NRROS: variants seen among roughly 807,000 people sequenced by gnomAD.
The protein encoded by NRROS is transforming growth factor beta activator LRRC33.
A neutral mutation model predicts 12.0 loss-of-function variants in NRROS; 6 were observed. The ratio of observed to expected loss-of-function variants is 0.50; its 90% CI spans 0.27 to 0.98. NRROS has a LOEUF of 0.98. Among genes scored for constraint, NRROS ranks in the 50% least tolerant of loss-of-function variants. The pLI is 0.11. For synonymous variants in NRROS, 462 were observed against 410.2 expected, an observed-to-expected ratio of 1.13 and a Z score of -1.53; for missense variants, 857 against 888.2, an observed-to-expected ratio of 0.96 and a Z score of 0.45.
At chr3:196,655,342 C>T (rs1560054692) in intron 2 of NRROS, among the ~76,000 whole-genome samples, 1 of 151,882 alleles carries the variant, frequency 6.6e-6, no homozygotes, top group Non-Finnish European at 1.5e-5. Flanking sequence ...CGAGACTAGC[C>T]TGGCCAACAT....
At chr3:196,652,241 C>G (rs1194502811) in intron 1 of NRROS, among the ~76,000 whole-genome samples, 1 of 152,148 alleles carries the variant, frequency 6.6e-6, no homozygotes, top group African/African-American at 2.4e-5. Flanking sequence ...TTATTTTAGA[C>G]TTTGTGTAGC....
At position 196,660,106 on chromosome 3, in the gene NRROS, A is replaced by G; in HGVS notation, c.463A>G (p.Asn155Asp). 6.2e-7 allele frequency: 1 copy of G among 1,613,110 alleles called. No individual in the cohort carries two copies. The highest frequency in any genetic ancestry group is 8.5e-7 in the Non-Finnish European group (1 of 1,179,944). Reference sequence around the variant, plus strand: ...GGACATGGCAGCCCTCATGCTCCAGAACCTCTCCTCGCTGCGGTCCGTGTC... The same window carrying G: ...GGACATGGCAGCCCTCATGCTCCAGGACCTCTCCTCGCTGCGGTCCGTGTC... Reference protein sequence around the residue: ...TEDMAALMLQNLSSLRSVSLA... With the variant: ...TEDMAALMLQDLSSLRSVSLA... The change falls in exon 3 of 3, where the codon AAC becomes GAC. Residue 155 changes from asparagine to aspartate, a missense_variant. Physicochemically the swap from Asn to Asp is conservative, Grantham distance 23. Coordinates refer to ENST00000328557, the MANE Select transcript of NRROS (RefSeq NM_198565.3). The surrounding 1 kb of genome is among the most constrained non-coding windows in gnomAD (Gnocchi z 7.7).
At position 196,660,875 on chromosome 3, in the gene NRROS, C is replaced by G. The variant is rs1465949639; in HGVS notation, c.1232C>G (p.Ser411Cys). The change falls in exon 3 of 3, where the codon TCC becomes TGC. Residue 411 changes from serine to cysteine, a missense_variant. Coordinates refer to ENST00000328557, the MANE Select transcript of NRROS (RefSeq NM_198565.3). This position sits in a 1 kb window ranked among gnomAD's most constrained non-coding sequence, Gnocchi z 7.7. The part of the protein sequence containing the change: ...LGSLRLFNLS[S>C]NQLLGVPPGL... The stretch of plus-strand genomic sequence containing the variant: ...AGCCTGCGCTTGTTCAACCTGAGCT[C>G]CAACCAGCTCCTGGGCGTCCCCCCT... The G allele has an allele frequency of 6.2e-7, 1 of 1,614,028 alleles. No homozygotes were observed. Among genetic ancestry groups the G allele is most frequent in the Non-Finnish European group, 8.5e-7 (1 of 1,180,044 alleles).
chr3:196,648,340 G>C (rs1181798573), intron 1 of NRROS, among the ~76,000 whole-genome samples: 1 of 152,098 alleles, frequency 6.6e-6, no homozygotes, highest in Admixed American at 6.6e-5. Flanking sequence ...CAATAGAGGC[G>C]ATGTCTTACA....
intron 2 of NRROS, chr3:196,655,097 C>T (rs12489417): frequency 7.7e-5 from 13 of 169,248 alleles, no homozygotes; most frequent in Admixed American, 1.7e-4. Context: ...CAGTCAGGTG[C>T]GGTGGCACAC....
intron 1 of NRROS, among the ~76,000 whole-genome samples, chr3:196,640,672 C>A (rs902569495): frequency 6.6e-6 from 1 of 152,166 alleles, no homozygotes; most frequent in Non-Finnish European, 1.5e-5. Context: ...CCCCACGTAC[C>A]CAGGAGCTAG....
chr3:196,643,276 A>G (rs1399558988), intron 1 of NRROS, among the ~76,000 whole-genome samples: 1 of 152,172 alleles, frequency 6.6e-6, no homozygotes, highest in Non-Finnish European at 1.5e-5. Flanking sequence ...GCTGACCCCA[A>G]GCCAATGTGT....
In NRROS at chr3:196,654,331, T is replaced by C. The variant is rs574362194; in HGVS notation, c.-13-196T>C. ...TAGAGGCAAAATGAAATTGAGTTCT[T>C]GTCAACAGTTTCAGTGAAAGGCCGG... is the stretch of plus-strand genomic sequence containing the variant. On this transcript the variant is annotated intron_variant, in intron 1 of 2. Transcript: ENST00000328557. This position sits in a 1 kb window ranked among gnomAD's most constrained non-coding sequence, Gnocchi z 4.4. 1.3e-5 allele frequency among the ~76,000 whole-genome samples: 2 copies of C among 152,328 alleles called. No homozygotes were observed. The highest frequency in any genetic ancestry group is 3.9e-4 in the East Asian group (2 of 5,182).
rs139697079 is a variant in NRROS at position 196,645,241 on chromosome 3, G to A, written c.-14+5366G>A. ...CTGCAGGATGAGTAAGAGCTTTGCA[G>A]GTGAACAAGACCAGCAAAAGAGCCT... is the stretch of plus-strand genomic sequence containing the variant. On this transcript the variant is annotated intron_variant, in intron 1 of 2. Transcript: ENST00000328557. 2.4e-3 allele frequency among the ~76,000 whole-genome samples: 360 copies of A among 152,308 alleles called. 1 individual carries two copies. The highest frequency in any genetic ancestry group is 8.4e-3 in the African/African-American group (351 of 41,568).
chr3:196,654,402 C>T lies in NRROS; in HGVS notation c.-13-125C>T, dbSNP rs551901794. On this transcript the variant is annotated intron_variant, in intron 1 of 2. Coordinates refer to ENST00000328557, the MANE Select transcript of NRROS (RefSeq NM_198565.3). This position sits in a 1 kb window ranked among gnomAD's most constrained non-coding sequence, Gnocchi z 4.4. ...TATCTGAGTATCCTGTGGGCTGCAC[C>T]TCTATGGAGCTCCACAGAGCTCCAA... The T allele has an allele frequency of 2.9e-6, 2 of 698,218 alleles. No homozygotes were observed. The highest frequency in any genetic ancestry group is 1.8e-5 in the African/African-American group (1 of 56,748). The allele number at this position is 698,218 out of a possible 1,614,324, so 43.3% of individuals were successfully genotyped here.
Position 196,648,003 on chromosome 3 carries a change from G to A in NRROS, c.-13-6524G>A, listed in dbSNP as rs534224927. 3.9e-5 allele frequency among the ~76,000 whole-genome samples: 6 copies of A among 152,302 alleles called. 1 individual carries two copies. The highest frequency in any genetic ancestry group is 3.9e-4 in the Admixed American group (6 of 15,302). On this transcript the variant is annotated intron_variant, in intron 1 of 2. Transcript: ENST00000328557. The stretch of plus-strand genomic sequence containing the variant: ...AGGTGTGAGCCACTGTGCCCAGCCT[G>A]TATTTCCATTTTTAACATAACAAAT...
intron 1 of NRROS, among the ~76,000 whole-genome samples, chr3:196,650,581 G>A (rs76765979): frequency 1.3e-5 from 2 of 152,178 alleles, no homozygotes; most frequent in Admixed American, 6.5e-5. Context: ...GCACCTGTTC[G>A]CAACAAACAT....
At chr3:196,649,765 C>A (rs1009408079) in intron 1 of NRROS, among the ~76,000 whole-genome samples, 7 of 152,182 alleles carry the variant, frequency 4.6e-5, no homozygotes, top group African/African-American at 1.7e-4. Context: ...CCACTGCGCC[C>A]GGCCAAAATA....
At chr3:196,645,010 T>C (rs983300012) in intron 1 of NRROS, among the ~76,000 whole-genome samples, 1 of 151,964 alleles carries the variant, frequency 6.6e-6, no homozygotes, top group African/African-American at 2.4e-5. Context: ...GATGGATAGA[T>C]GTATGTTGTT....
chr3:196,655,395 C>T (rs1342693454), intron 2 of NRROS, among the ~76,000 whole-genome samples: 6 of 151,100 alleles, frequency 4.0e-5, no homozygotes, highest in Admixed American at 1.3e-4. Context: ...ATTAGCTGGG[C>T]GTGGTGGTGC....
intron 2 of NRROS, among the ~76,000 whole-genome samples, chr3:196,655,457 C>T (rs779477252): frequency 6.6e-5 from 10 of 151,990 alleles, no homozygotes; most frequent in Non-Finnish European, 1.5e-4. Context: ...ATCGCTTGAA[C>T]CCGGGAGACG....
At chr3:196,653,660 G>A (rs538105940) in intron 1 of NRROS, among the ~76,000 whole-genome samples, 36 of 152,340 alleles carry the variant, frequency 2.4e-4, no homozygotes, top group East Asian at 1.5e-3. Context: ...ATCGGAGCTC[G>A]GGGAGCGAGG....
intron 1 of NRROS, among the ~76,000 whole-genome samples, chr3:196,640,844 G>A (rs1223373282): frequency 1.3e-5 from 2 of 152,164 alleles, no homozygotes; most frequent in Admixed American, 6.5e-5. Context: ...TTCCCTAGGG[G>A]CTGAGGGGAC....
chr3:196,646,585 G>A (rs1737317109), intron 1 of NRROS, among the ~76,000 whole-genome samples: 1 of 152,260 alleles, frequency 6.6e-6, no homozygotes, highest in Non-Finnish European at 1.5e-5. Context: ...ACGTAGGGAA[G>A]CCAGTTGGCT....
Sources: gnomAD v4.1 joint callset for allele counts (sites outside exome capture counted in the v4.1 genomes callset) on GRCh38, gnomAD v4.1.1 for gene constraint, Gnocchi (gnomAD v3.1) non-coding constraint, MANE v1.5 for transcripts, NCBI Gene and HGNC (gene_info 2026-07-23, HGNC 2026-07-21) for gene names.